The following HS6ST3 variants were observed in gnomAD, a reference collection of about 807,000 sequenced individuals.
The protein encoded by HS6ST3 is heparan sulfate 6-O-sulfotransferase 3.
A neutral mutation model predicts 36.7 loss-of-function variants in HS6ST3; 12 were observed. That is an observed-to-expected ratio of 0.33 (90% CI 0.21 to 0.53). The LOEUF is 0.53. Ranked by LOEUF, HS6ST3 falls within the 20% of genes least tolerant of loss-of-function variation. The pLI, the probability that HS6ST3 is intolerant of heterozygous loss-of-function variation, is 0.95. For synonymous variants in HS6ST3, 240 were observed against 257.5 expected, an observed-to-expected ratio of 0.93 and a Z score of 0.65; for missense variants, 584 against 640.9, an observed-to-expected ratio of 0.91 and a Z score of 0.96.
intron 1 of HS6ST3, among the ~76,000 whole-genome samples, chr13:96,731,755 A>G (rs1325457145): frequency 6.6e-6 from 1 of 151,764 alleles, no homozygotes; most frequent in African/African-American, 2.4e-5. Context: ...CCCCTGGCTC[A>G]GGCAATCCTC....
chr13:96,667,608 AC>A (rs2056668292), intron 1 of HS6ST3, among the ~76,000 whole-genome samples: 2 of 152,206 alleles, frequency 1.3e-5, no homozygotes, highest in African/African-American at 2.4e-5. Context: ...ACGTGGGGAA[AC>A]ATTTATTAAC....
chr13:96,785,605 C>T (rs767663762), intron 1 of HS6ST3, among the ~76,000 whole-genome samples: 13 of 152,058 alleles, frequency 8.5e-5, no homozygotes, highest in Non-Finnish European at 1.6e-4. Flanking sequence ...GAGTACCTGC[C>T]GAGATTCTCC....
chr13:96,220,210 T>A (rs2054448759), intron 1 of HS6ST3, among the ~76,000 whole-genome samples: 1 of 152,234 alleles, frequency 6.6e-6, no homozygotes, highest in Non-Finnish European at 1.5e-5. Context: ...AGTTGCTTAA[T>A]AAATCTTATT....
intron 1 of HS6ST3, among the ~76,000 whole-genome samples, chr13:96,754,289 A>G (rs1876771528): frequency 6.6e-6 from 1 of 152,172 alleles, no homozygotes; most frequent in Non-Finnish European, 1.5e-5. Context: ...ATCTATTAAC[A>G]TGGTGAATTG....
chr13:96,433,252 A>G (rs1030516443), intron 1 of HS6ST3, among the ~76,000 whole-genome samples: 11 of 152,182 alleles, frequency 7.2e-5, no homozygotes, highest in Non-Finnish European at 1.3e-4. Flanking sequence ...GAGGTAGTTA[A>G]GTTTGAATGA....
intron 1 of HS6ST3, among the ~76,000 whole-genome samples, chr13:96,238,855 C>T (rs982837161): frequency 8.5e-5 from 13 of 152,074 alleles, no homozygotes; most frequent in African/African-American, 1.9e-4. Context: ...TTGGTGCCTA[C>T]GTGAAGAGAA....
At chr13:96,567,926 T>A (rs1177614939) in intron 1 of HS6ST3, among the ~76,000 whole-genome samples, 2 of 152,200 alleles carry the variant, frequency 1.3e-5, no homozygotes, top group South Asian at 4.1e-4. Flanking sequence ...AAAGATGGGA[T>A]GCCATTTCTC....
At chr13:96,519,736 C>T (rs2138926048) in intron 1 of HS6ST3, among the ~76,000 whole-genome samples, 1 of 152,274 alleles carries the variant, frequency 6.6e-6, no homozygotes, top group African/African-American at 2.4e-5. Context: ...AAGGGAATTA[C>T]TTAACTTTTC....
intron 1 of HS6ST3, among the ~76,000 whole-genome samples, chr13:96,590,010 C>A (rs2138974783): frequency 6.6e-6 from 1 of 152,260 alleles, no homozygotes; most frequent in Admixed American, 6.5e-5. Flanking sequence ...TTGTAGATCA[C>A]AGGATCTCAT....
chr13:96,741,683 C>T lies in HS6ST3; in HGVS notation c.708-90807C>T, dbSNP rs186488811. The stretch of plus-strand genomic sequence containing the variant: ...CAAGCTTTACCCTGTGACTTTAATA[C>T]ACCCTAAGGTTTGAGAATTGGAAAA... On this transcript the variant is annotated intron_variant, in intron 1 of 1. Coordinates refer to ENST00000376705, the MANE Select transcript of HS6ST3 (RefSeq NM_153456.4). 1.8e-3 allele frequency among the ~76,000 whole-genome samples: 276 copies of T among 152,290 alleles called. 8 individuals carry two copies. The highest frequency in any genetic ancestry group is 0.018 in the Admixed American group (271 of 15,276).
chr13:96,204,006 C>T (rs1349040721), intron 1 of HS6ST3, among the ~76,000 whole-genome samples: 1 of 151,976 alleles, frequency 6.6e-6, no homozygotes, highest in African/African-American at 2.4e-5. Flanking sequence ...CAAAAGGAAA[C>T]AAGTTGAATA....
intron 1 of HS6ST3, among the ~76,000 whole-genome samples, chr13:96,363,007 T>TA (rs2139436701): frequency 6.6e-6 from 1 of 152,146 alleles, no homozygotes; most frequent in African/African-American, 2.4e-5. Flanking sequence ...TGGCATGGGT[T>TA]AGGGATGGGA....
intron 1 of HS6ST3, among the ~76,000 whole-genome samples, chr13:96,391,885 G>A (rs1377707782): frequency 2.6e-5 from 4 of 152,216 alleles, no homozygotes; most frequent in Admixed American, 6.5e-5. Flanking sequence ...TAAAATGGTT[G>A]TGAATAGCAT....
At chr13:96,184,221 A>AAG (rs1555389927) in intron 1 of HS6ST3, among the ~76,000 whole-genome samples, 9 of 61,016 alleles carry the variant, frequency 1.5e-4, no homozygotes, top group African/African-American at 2.2e-4. Flanking sequence ...AAAAAAAAAA[A>AAG]AGAGAGAGAG....
chr13:96,330,631 C>A (rs2055060862), intron 1 of HS6ST3, among the ~76,000 whole-genome samples: 1 of 149,474 alleles, frequency 6.7e-6, no homozygotes, highest in South Asian at 2.1e-4. Flanking sequence ...TCCTTCATTT[C>A]AACTTTGGTG....
chr13:96,594,592 C>T (rs888098637), intron 1 of HS6ST3, among the ~76,000 whole-genome samples: 1 of 152,198 alleles, frequency 6.6e-6, no homozygotes, highest in Non-Finnish European at 1.5e-5. Context: ...CACGTGTACA[C>T]ACACATAAGA....
chr13:96,111,800 A>C (rs753258824), intron 1 of HS6ST3, among the ~76,000 whole-genome samples: 1 of 152,344 alleles, frequency 6.6e-6, no homozygotes, highest in South Asian at 2.1e-4. Flanking sequence ...TTCGTTAAGG[A>C]TGACTGTGAC....
chr13:96,648,840 T>C (rs1431214602), intron 1 of HS6ST3, among the ~76,000 whole-genome samples: 1 of 152,132 alleles, frequency 6.6e-6, no homozygotes, highest in East Asian at 1.9e-4. Context: ...CTCATTCCTT[T>C]TTATGGCTGC....
chr13:96,247,816 A>G (rs138863542), intron 1 of HS6ST3, among the ~76,000 whole-genome samples: 6 of 152,200 alleles, frequency 3.9e-5, no homozygotes, highest in Admixed American at 3.9e-4. Flanking sequence ...TGGAAACCTA[A>G]TGTACATACT....
Sources: allele counts gnomAD v4.1 joint callset (sites outside exome capture counted in the v4.1 genomes callset), GRCh38; gene constraint gnomAD v4.1.1; transcripts MANE v1.5; gene names NCBI Gene and HGNC (gene_info 2026-07-23, HGNC 2026-07-21).